SLC25A21: variants seen among roughly 807,000 people sequenced by gnomAD.
SLC25A21 encodes solute carrier family 25 member 21, also known as mitochondrial 2-oxodicarboxylate carrier.
In SLC25A21, 47 loss-of-function variants were observed where a neutral mutation model predicts 43.8. The ratio of observed to expected loss-of-function variants is 1.07; its 90% CI spans 0.85 to 1.37. The LOEUF (loss-of-function observed/expected upper bound fraction) is 1.37, where lower values mean the gene tolerates loss of function less well. Among genes scored for constraint, SLC25A21 ranks in the 40% most tolerant of loss-of-function variants. The pLI is 0.00. For missense variants in SLC25A21, 352 were observed against 350.2 expected, an observed-to-expected ratio of 1.00 and a Z score of -0.04; for synonymous variants, 131 against 121.3, an observed-to-expected ratio of 1.08 and a Z score of -0.52.
At chr14:36,860,052 A>G (rs1183906272) in intron 2 of SLC25A21, among the ~76,000 whole-genome samples, 1 of 152,036 alleles carries the variant, frequency 6.6e-6, no homozygotes, top group African/African-American at 2.4e-5. Context: ...CTCCAATGGA[A>G]GTGGGCAAAA....
chr14:36,980,968 T>C (rs141593091), intron 1 of SLC25A21, among the ~76,000 whole-genome samples: 68 of 152,224 alleles, frequency 4.5e-4, no homozygotes, highest in African/African-American at 1.6e-3. Context: ...ATCCAGAATC[T>C]ACAAAGAACT....
chr14:36,678,744 AT>A lies in SLC25A21; in HGVS notation c.*1913del. 6 of 1,147,628 alleles carry A rather than the reference AT, an allele frequency of 5.2e-6. No homozygotes were observed. Among genetic ancestry groups the A allele is most frequent in the East Asian group, 3.9e-5 (1 of 25,384 alleles). 71.1% of individuals were successfully genotyped at this position (1,147,628 alleles called of 1,614,324 possible). ...ATCTCTTGTTATTGTGCTATTTATA[AT>A]TTTTTTCTGGTTCTTGTATTTTAAA... On this transcript the variant is annotated 3_prime_UTR_variant, in exon 10 of 10. Transcript: ENST00000331299.
chr14:36,917,337 C>A (rs1157751400), intron 1 of SLC25A21, among the ~76,000 whole-genome samples: 4 of 152,128 alleles, frequency 2.6e-5, no homozygotes, highest in African/African-American at 9.7e-5. Context: ...CTGACCCTGG[C>A]CCTCTGGACA....
At chr14:36,735,481 C>T (rs115715877) in intron 3 of SLC25A21, among the ~76,000 whole-genome samples, 2,153 of 58,104 alleles carry the variant, frequency 0.037, 56 homozygotes, top group African/African-American at 0.17. Flanking sequence ...ATAACATGTC[C>T]CTAATTTAGG....
Position 36,679,253 on chromosome 14 carries a change from AAC to A in SLC25A21, c.*1403_*1404del, listed in dbSNP as rs1450182566. On this transcript the variant is annotated 3_prime_UTR_variant, in exon 10 of 10. Transcript: ENST00000331299. ...TTGGACTGAAATATAAATTTTAAAA[AAC>A]ACGTTGGAAAGGATGTACAACAGAA... The A allele has an allele frequency of 1.0e-6, 1 of 983,930 alleles. No individual in the cohort carries two copies. Among genetic ancestry groups the A allele is most frequent in the Non-Finnish European group, 1.2e-6 (1 of 828,686 alleles). The allele number at this position is 983,930 out of a possible 1,614,324, so 60.9% of individuals were successfully genotyped here. A position where few individuals can be genotyped will look rare whatever the true frequency, so the allele number is the denominator to read the frequency against.
chr14:36,827,676 T>C (rs1888885518), intron 2 of SLC25A21, among the ~76,000 whole-genome samples: 1 of 152,212 alleles, frequency 6.6e-6, no homozygotes, highest in Non-Finnish European at 1.5e-5. Flanking sequence ...CAAATAAATA[T>C]TTGTTAGTGG....
At chr14:36,997,825 A>G (rs1960405455) in intron 1 of SLC25A21, among the ~76,000 whole-genome samples, 1 of 152,040 alleles carries the variant, frequency 6.6e-6, no homozygotes, top group South Asian at 2.1e-4. Context: ...GTCTCAAAAA[A>G]AAAAAAAACA....
chr14:36,966,701 G>C (rs1356492817), intron 1 of SLC25A21, among the ~76,000 whole-genome samples: 1 of 152,168 alleles, frequency 6.6e-6, no homozygotes, highest in Non-Finnish European at 1.5e-5. Flanking sequence ...GAACTCCGCA[G>C]TCTAAAGAAA....
intron 3 of SLC25A21, among the ~76,000 whole-genome samples, chr14:36,807,996 C>T (rs1006105031): frequency 4.6e-5 from 7 of 152,146 alleles, no homozygotes; most frequent in African/African-American, 1.7e-4. Flanking sequence ...ATTATAATCA[C>T]CAAGTGGTCT....
At chr14:36,858,857 T>C (rs1174369709) in intron 2 of SLC25A21, among the ~76,000 whole-genome samples, 1 of 152,222 alleles carries the variant, frequency 6.6e-6, no homozygotes. Flanking sequence ...TGAAGATAGA[T>C]TTTAGGGTCA....
At chr14:37,119,877 G>A (rs1963175542) in intron 1 of SLC25A21, among the ~76,000 whole-genome samples, 1 of 152,028 alleles carries the variant, frequency 6.6e-6, no homozygotes, top group Non-Finnish European at 1.5e-5. Flanking sequence ...TCTCAGGTAG[G>A]GTGGCAGCAA....
In SLC25A21 at chr14:36,896,868, G is replaced by C. The variant is rs189436372; in HGVS notation, c.71-21864C>G. Reference sequence around the variant, plus strand: ...CTTTAAGAATGTTGAATATTGGCCCGCACTCTCTGCTGGCTTGTAGAGTTT... The same window carrying C: ...CTTTAAGAATGTTGAATATTGGCCCCCACTCTCTGCTGGCTTGTAGAGTTT... On this transcript the variant is annotated intron_variant, in intron 1 of 9. Coordinates refer to ENST00000331299, the MANE Select transcript of SLC25A21 (RefSeq NM_030631.4). 3.4e-3 allele frequency among the ~76,000 whole-genome samples: 525 copies of C among 152,250 alleles called. 4 individuals are homozygous for C. The highest frequency in any genetic ancestry group is 0.011 in the African/African-American group (463 of 41,538).
chr14:36,887,187 G>C (rs1344737982), intron 1 of SLC25A21, among the ~76,000 whole-genome samples: 1 of 145,232 alleles, frequency 6.9e-6, no homozygotes, highest in Non-Finnish European at 1.5e-5. Flanking sequence ...TGTGAGATAT[G>C]TAATGCATGC....
intron 6 of SLC25A21, among the ~76,000 whole-genome samples, chr14:36,718,971 A>G (rs1884265580): frequency 6.6e-6 from 1 of 152,142 alleles, no homozygotes; most frequent in African/African-American, 2.4e-5. Flanking sequence ...GTTCATATGT[A>G]ACGTAGATAA....
chr14:36,921,480 T>C (rs545817344), intron 1 of SLC25A21, among the ~76,000 whole-genome samples: 68 of 152,258 alleles, frequency 4.5e-4, no homozygotes, highest in Non-Finnish European at 7.5e-4. Flanking sequence ...AATGAATAAA[T>C]TAATTTACAT....
At chr14:37,097,954 T>A (rs2138859821) in intron 1 of SLC25A21, 1 of 152,194 alleles carries the variant, frequency 6.6e-6, no homozygotes, top group Admixed American at 6.5e-5. Flanking sequence ...GAAGAAATGA[T>A]AAAGCAAATG....
intron 7 of SLC25A21, among the ~76,000 whole-genome samples, chr14:36,686,351 C>G (rs189030009): frequency 6.6e-6 from 1 of 152,084 alleles, no homozygotes; most frequent in East Asian, 1.9e-4. Context: ...CCCTCTCCCC[C>G]CATTTTTTCT....
intron 3 of SLC25A21, among the ~76,000 whole-genome samples, chr14:36,780,491 C>T (rs1438294465): frequency 6.6e-6 from 1 of 151,962 alleles, no homozygotes; most frequent in East Asian, 1.9e-4. Context: ...CCTCTTAGAA[C>T]TGCTTTTGCT....
chr14:36,802,124 T>A (rs1192576965), intron 3 of SLC25A21, among the ~76,000 whole-genome samples: 1 of 152,216 alleles, frequency 6.6e-6, no homozygotes, highest in Non-Finnish European at 1.5e-5. Context: ...ATTATCATGT[T>A]TAGAATCTTG....
Sources: gnomAD v4.1 joint callset for allele counts (sites outside exome capture counted in the v4.1 genomes callset) on GRCh38, gnomAD v4.1.1 for gene constraint, MANE v1.5 for transcripts, NCBI Gene and HGNC (gene_info 2026-07-23, HGNC 2026-07-21) for gene names.